The following ZNF197 variants were observed in gnomAD, a reference collection of about 807,000 sequenced individuals.
ZNF197 encodes zinc finger protein 197.
A neutral mutation model predicts 27.4 loss-of-function variants in ZNF197; 14 were observed. The observed-to-expected ratio is 0.51, with a 90% CI of 0.34 to 0.80. ZNF197 has a LOEUF of 0.80. Among genes scored for constraint, ZNF197 ranks in the 30% least tolerant of loss-of-function variants. The pLI, the probability that ZNF197 is intolerant of heterozygous loss-of-function variation, is 0.02. For synonymous variants in ZNF197, 415 were observed against 420.0 expected (o/e 0.99, Z 0.15); for missense variants, 1,090 against 1,222.6 (o/e 0.89, Z 1.62).
At chr3:44,636,363 A>G (rs1002504884) in intron 5 of ZNF197, among the ~76,000 whole-genome samples, 4 of 151,992 alleles carry the variant, frequency 2.6e-5, no homozygotes, top group Non-Finnish European at 4.4e-5. Flanking sequence ...ACCCTTCAGC[A>G]GTCCACCTTC....
In ZNF197 at chr3:44,644,024, A is replaced by T; in HGVS notation, c.2894A>T (p.Lys965Ile). The T allele has an allele frequency of 1.2e-6, 2 of 1,614,076 alleles. No homozygotes were observed. The highest frequency in any genetic ancestry group is 1.7e-6 in the Non-Finnish European group (2 of 1,180,008). Reference sequence around the variant, plus strand: ...CCCTATGGGTGTAATGATTGTAGTAAAGTTTTTAGGCAAAGAAAAAACCTT... The same window carrying T: ...CCCTATGGGTGTAATGATTGTAGTATAGTTTTTAGGCAAAGAAAAAACCTT... ...EKPYGCNDCS[K>I]VFRQRKNLTV... Residue 965 changes from lysine (K) to isoleucine (I), a missense_variant, in exon 6 of 6, where the codon AAA (lysine) becomes ATA (isoleucine). By Grantham distance (102) the Lys-to-Ile change is moderately radical (BLOSUM62 -3). Coordinates refer to ENST00000344387, the MANE Select transcript of ZNF197 (RefSeq NM_006991.5).
Position 44,645,097 on chromosome 3 carries a change from T to A in ZNF197, c.*877T>A. 4.1e-6 allele frequency: 4 copies of A among 980,882 alleles called. No individual in the cohort carries two copies. The highest frequency in any genetic ancestry group is 4.8e-6 in the Non-Finnish European group (4 of 825,796). 60.8% of individuals were successfully genotyped at this position (980,882 alleles called of 1,614,324 possible). On this transcript the variant is annotated 3_prime_UTR_variant, in exon 6 of 6. Coordinates refer to ENST00000344387, the MANE Select transcript of ZNF197 (RefSeq NM_006991.5). The stretch of plus-strand genomic sequence containing the variant: ...CCTACCTTTGATTCCTGGCTTTCCC[T>A]TAATGGCCATGTGATGTTATTAAGT...
chr3:44,628,283 TG>T (rs1374125307), intron 1 of ZNF197, among the ~76,000 whole-genome samples: 2 of 152,216 alleles, frequency 1.3e-5, no homozygotes, highest in Non-Finnish European at 2.9e-5. Flanking sequence ...ATTAGAAAAA[TG>T]TTATTTCTAA....
chr3:44,634,739 C>T (rs1158232764), intron 5 of ZNF197, among the ~76,000 whole-genome samples: 1 of 152,188 alleles, frequency 6.6e-6, no homozygotes, highest in African/African-American at 2.4e-5. Context: ...CGTGAGCCAC[C>T]ATACCCAGCT....
chr3:44,640,360 CTTTGT>C lies in ZNF197; in HGVS notation c.770-1536_770-1532del. Among the ~76,000 whole-genome samples, 1 of 152,180 alleles carries C rather than the reference CTTTGT, an allele frequency of 6.6e-6. No homozygotes were observed. Among genetic ancestry groups the C allele is most frequent in the South Asian group, 2.1e-4 (1 of 4,822 alleles). On this transcript the variant is annotated intron_variant, in intron 5 of 5. Coordinates refer to ENST00000344387, the MANE Select transcript of ZNF197 (RefSeq NM_006991.5). The surrounding 1 kb of genome is among the most constrained non-coding windows in gnomAD (Gnocchi z 4.0). ...CAGCCCTCCTCTCCATCAGCATTCT[CTTTGT>C]TTTTTGTTTGTTTTGTTCTTGTTTT...
At chr3:44,641,150 G>A (rs1702579677) in intron 5 of ZNF197, among the ~76,000 whole-genome samples, 1 of 152,162 alleles carries the variant, frequency 6.6e-6, no homozygotes, top group African/African-American at 2.4e-5. Context: ...GAATATTGGA[G>A]TAGATAGGAA....
Position 44,644,391 on chromosome 3 carries a change from C to T in ZNF197, c.*171C>T. On this transcript the variant is annotated 3_prime_UTR_variant, in exon 6 of 6. Coordinates refer to ENST00000344387, the MANE Select transcript of ZNF197 (RefSeq NM_006991.5). ...TGGTGGCTCATGCCTGTAATCCCAG[C>T]ACTTTGAGAGGCCGAAGCGAGTGGA... The T allele has an allele frequency of 7.3e-7, 1 of 1,367,124 alleles. No individual in the cohort carries two copies. The highest frequency in any genetic ancestry group is 9.4e-7 in the Non-Finnish European group (1 of 1,065,454). The allele number at this position is 1,367,124 out of a possible 1,614,324, so 84.7% of individuals were successfully genotyped here.
chr3:44,633,513 G>A (rs1702120407), intron 5 of ZNF197, among the ~76,000 whole-genome samples: 1 of 152,180 alleles, frequency 6.6e-6, no homozygotes, highest in Non-Finnish European at 1.5e-5. Context: ...CCATAAAGGA[G>A]GTAGCATTTA....
intron 5 of ZNF197, among the ~76,000 whole-genome samples, chr3:44,635,330 C>T (rs1702225519): frequency 6.6e-6 from 1 of 152,136 alleles, no homozygotes; most frequent in African/African-American, 2.4e-5. Flanking sequence ...TTCCCATTGA[C>T]TTAGTAACTC....
At position 44,643,993 on chromosome 3, in the gene ZNF197, G is replaced by T. The variant is rs775401466; in HGVS notation, c.2863G>T (p.Glu955Ter). The part of the protein sequence containing the change: ...LVGHQRIHTG[E>*]KPYGCNDCSK... The stretch of plus-strand genomic sequence containing the variant: ...TGGCCACCAGAGAATTCACACAGGG[G>T]AGAAACCCTATGGGTGTAATGATTG... Residue 955 changes from glutamate (E) to a stop codon, truncating the protein, a stop_gained, in exon 6 of 6, where the codon GAG (glutamate) becomes TAG (stop). Coordinates refer to ENST00000344387, the MANE Select transcript of ZNF197 (RefSeq NM_006991.5). LOFTEE classifies it low-confidence loss of function (END_TRUNC). 1 of 1,614,042 alleles carries T rather than the reference G, an allele frequency of 6.2e-7. No homozygotes were observed. The highest frequency in any genetic ancestry group is 8.5e-7 in the Non-Finnish European group (1 of 1,180,034).
chr3:44,643,769 G>C lies in ZNF197; in HGVS notation c.2639G>C (p.Arg880Thr). ...AAAACCTACGAATGTCATGTATGTA[G>C]GAAAGTCCTTACCTCTAGTAGAAAT... ...GEKTYECHVC[R>T]KVLTSSRNLM... The change falls in exon 6 of 6, where the codon AGG becomes ACG. Residue 880 changes from arginine (R) to threonine (T), a missense_variant. Physicochemically the swap from Arg to Thr is moderately conservative, Grantham distance 71. Transcript: ENST00000344387. 1 of 1,613,968 alleles carries C rather than the reference G, an allele frequency of 6.2e-7. No homozygotes were observed. Among genetic ancestry groups the C allele is most frequent in the Non-Finnish European group, 8.5e-7 (1 of 1,180,030 alleles).
At chr3:44,635,761 C>T (rs1702251980) in intron 5 of ZNF197, among the ~76,000 whole-genome samples, 1 of 152,198 alleles carries the variant, frequency 6.6e-6, no homozygotes, top group South Asian at 2.1e-4. Context: ...AATTACAATA[C>T]AATTTGGCAC....
rs957394650 is a variant in ZNF197 at position 44,647,937 on chromosome 3, A to C, written c.*3717A>C. ...ATAGGTGCTATACCTATACACACAT[A>C]CTGTACCAATGTTGATTTCCTTTTT... On this transcript the variant is annotated 3_prime_UTR_variant, in exon 6 of 6. Transcript: ENST00000344387. 4 of 152,168 alleles carry C rather than the reference A, an allele frequency of 2.6e-5. No individual in the cohort carries two copies. The highest frequency in any genetic ancestry group is 5.9e-5 in the Non-Finnish European group (4 of 68,028). The allele number at this position is 152,168 out of a possible 1,614,324, so 9.4% of individuals were successfully genotyped here.
chr3:44,632,699 AT>A, intron 5 of ZNF197, 100 bp downstream of exon 5: 1 of 1,328,970 alleles, frequency 7.5e-7, no homozygotes, highest in South Asian at 2.5e-5. Flanking sequence ...AAAACACCGA[AT>A]ATTACAAAGA....
At chr3:44,638,914 A>G (rs932202789) in intron 5 of ZNF197, among the ~76,000 whole-genome samples, 6 of 152,154 alleles carry the variant, frequency 3.9e-5, no homozygotes, top group Admixed American at 1.3e-4. Context: ...GTGTCTCACC[A>G]TGTTCCCCAA....
intron 1 of ZNF197, among the ~76,000 whole-genome samples, chr3:44,628,305 A>C (rs1433352611): frequency 6.6e-6 from 1 of 152,206 alleles, no homozygotes; most frequent in East Asian, 1.9e-4. Flanking sequence ...AGAGCAGATG[A>C]TTTCTAGAGA....
intron 5 of ZNF197, among the ~76,000 whole-genome samples, chr3:44,632,866 TTGTG>T (rs1373668955): frequency 6.6e-6 from 1 of 152,184 alleles, no homozygotes; most frequent in Non-Finnish European, 1.5e-5. Context: ...CTTGCTTTCC[TTGTG>T]TGTGTTCTCA....
At position 44,645,718 on chromosome 3, in the gene ZNF197, G is replaced by A; in HGVS notation, c.*1498G>A. 1 of 985,386 alleles carries A rather than the reference G, an allele frequency of 1.0e-6. No homozygotes were observed. The highest frequency in any genetic ancestry group is 1.2e-6 in the Non-Finnish European group (1 of 829,936). The allele number at this position is 985,386 out of a possible 1,614,324, so 61.0% of individuals were successfully genotyped here. A position where few individuals can be genotyped will look rare whatever the true frequency, so the allele number is the denominator to read the frequency against. On this transcript the variant is annotated 3_prime_UTR_variant, in exon 6 of 6. Coordinates refer to ENST00000344387, the MANE Select transcript of ZNF197 (RefSeq NM_006991.5). Reference sequence around the variant, plus strand: ...CATCATTGCTGTCAAATGATAGCCTGTTACTAATGAAACAACATTCTGTCC... The same window carrying A: ...CATCATTGCTGTCAAATGATAGCCTATTACTAATGAAACAACATTCTGTCC...
intron 5 of ZNF197, among the ~76,000 whole-genome samples, chr3:44,633,973 A>C (rs1410304394): frequency 6.6e-6 from 1 of 152,214 alleles, no homozygotes; most frequent in East Asian, 1.9e-4. Context: ...TGTATCCTTT[A>C]GTATCTCAGT....
Sources: allele counts gnomAD v4.1 joint callset (sites outside exome capture counted in the v4.1 genomes callset), GRCh38; gene constraint gnomAD v4.1.1; non-coding constraint Gnocchi (gnomAD v3.1); transcripts MANE v1.5; gene names NCBI Gene and HGNC (gene_info 2026-07-23, HGNC 2026-07-21).